SCAPER: variants seen among roughly 807,000 people sequenced by gnomAD.
The protein encoded by SCAPER is S-phase cyclin A associated protein in the ER, also known as S phase cyclin A-associated protein in the endoplasmic reticulum.
A neutral mutation model predicts 182.2 loss-of-function variants in SCAPER; 98 were observed. That is an observed-to-expected ratio of 0.54 (90% CI 0.46 to 0.64). The LOEUF (loss-of-function observed/expected upper bound fraction) is 0.64, where lower values mean the gene tolerates loss of function less well. Among genes scored for constraint, SCAPER ranks in the 30% least tolerant of loss-of-function variants. The probability of loss-of-function intolerance (pLI) is 0.00; values close to 1 mark genes in which losing one functional copy is unlikely to be tolerated. For synonymous variants in SCAPER, 605 were observed against 564.6 expected (o/e 1.07, Z -1.01); for missense variants, 1,432 against 1,690.0 (o/e 0.85, Z 2.68).
intron 5 of SCAPER, among the ~76,000 whole-genome samples, chr15:76,835,035 G>A (rs959829106): frequency 3.3e-5 from 5 of 151,948 alleles, no homozygotes; most frequent in African/African-American, 7.3e-5. Context: ...TGGCAGAGAC[G>A]CAACATCCAA....
intron 17 of SCAPER, among the ~76,000 whole-genome samples, chr15:76,716,626 T>A (rs2059901039): frequency 6.6e-6 from 1 of 151,628 alleles, no homozygotes; most frequent in Non-Finnish European, 1.5e-5. Flanking sequence ...TTAAAAAATC[T>A]CAATAAAAAT....
At chr15:76,662,447 C>A (rs1009355461) in intron 21 of SCAPER, among the ~76,000 whole-genome samples, 3 of 152,000 alleles carry the variant, frequency 2.0e-5, no homozygotes, top group African/African-American at 7.2e-5. Flanking sequence ...ATAAGCAAAA[C>A]AAGCTCAAAA....
rs570108128 is a variant in SCAPER at position 76,834,954 on chromosome 15, C to T, written c.393+6780G>A. On this transcript the variant is annotated intron_variant, in intron 5 of 31. Coordinates refer to ENST00000563290, the MANE Select transcript of SCAPER (RefSeq NM_020843.4). ...ATCCCTGAACCAGACAGATTCACAGCGGAATTCCATCAGATATACAAAGAA... is the reference window on the plus strand; with the variant it reads ...ATCCCTGAACCAGACAGATTCACAGTGGAATTCCATCAGATATACAAAGAA... 8.5e-5 allele frequency among the ~76,000 whole-genome samples: 13 copies of T among 152,160 alleles called. No homozygotes were observed. The South Asian group carries it at 1.0e-3, about 12-fold the overall frequency.
chr15:76,509,316 G>GTTACACTTCTTGCCTCTTCTA (rs2041842290), intron 23 of SCAPER, among the ~76,000 whole-genome samples: 1 of 152,010 alleles, frequency 6.6e-6, no homozygotes, highest in African/African-American at 2.4e-5. Context: ...TTCTACTTCT[G>GTTACACTTCTTGCCTCTTCTA]TTACACTTCT....
intron 23 of SCAPER, among the ~76,000 whole-genome samples, chr15:76,563,472 G>A (rs996309025): frequency 6.6e-6 from 1 of 152,138 alleles, no homozygotes; most frequent in Non-Finnish European, 1.5e-5. Context: ...GAACCAGGAA[G>A]ACACTGAATT....
intron 1 of SCAPER, among the ~76,000 whole-genome samples, chr15:76,887,129 G>T (rs933814805): frequency 3.9e-5 from 6 of 152,096 alleles, no homozygotes; most frequent in Non-Finnish European, 8.8e-5. Context: ...TAACAAACCT[G>T]CACTTGTACC....
intron 5 of SCAPER, among the ~76,000 whole-genome samples, chr15:76,810,982 C>T (rs1025111545): frequency 3.9e-5 from 6 of 152,154 alleles, no homozygotes; most frequent in Admixed American, 3.3e-4. Context: ...GAAGACACAA[C>T]AATTTTAAGT....
chr15:76,808,608 C>A (rs560277453), intron 5 of SCAPER, among the ~76,000 whole-genome samples: 22 of 152,330 alleles, frequency 1.4e-4, no homozygotes, highest in Admixed American at 1.2e-3. Context: ...AAACTGACTA[C>A]ACACCTAATG....
intron 2 of SCAPER, among the ~76,000 whole-genome samples, chr15:76,878,053 A>T (rs1165361192): frequency 6.6e-6 from 1 of 152,196 alleles, no homozygotes; most frequent in East Asian, 1.9e-4. Flanking sequence ...ATATTTATAT[A>T]TGTGTGCAGG....
intron 23 of SCAPER, among the ~76,000 whole-genome samples, chr15:76,545,101 G>A (rs1246119456): frequency 6.6e-6 from 1 of 151,960 alleles, no homozygotes; most frequent in Admixed American, 6.6e-5. Context: ...CCTTCAATGG[G>A]GGCCAATGAG....
chr15:76,503,541 T>C (rs779476426), intron 24 of SCAPER, among the ~76,000 whole-genome samples: 2 of 152,246 alleles, frequency 1.3e-5, no homozygotes, highest in Non-Finnish European at 2.9e-5. Context: ...TTAACATTTA[T>C]AATGTAACTT....
chr15:76,899,224 C>T lies in SCAPER; in HGVS notation c.-60+6075G>A, dbSNP rs116579408. 8.6e-3 allele frequency among the ~76,000 whole-genome samples: 1,311 copies of T among 152,326 alleles called. 17 individuals carry two copies. Among genetic ancestry groups the T allele is most frequent in the African/African-American group, 0.03 (1,242 of 41,578 alleles). On this transcript the variant is annotated intron_variant, in intron 1 of 31. Coordinates refer to ENST00000563290, the MANE Select transcript of SCAPER (RefSeq NM_020843.4). ...CTCTTGCAGAGCCTGGACTGTACTG[C>T]CATGATCTCAGCTAGCTGCAACCTC...
At chr15:76,405,412 T>C (rs2044758274) in intron 26 of SCAPER, among the ~76,000 whole-genome samples, 1 of 152,116 alleles carries the variant, frequency 6.6e-6, no homozygotes, top group Admixed American at 6.6e-5. Flanking sequence ...CCACCATGCC[T>C]GGCTACAACT....
chr15:76,649,609 ACAG>A (rs2054848206), intron 21 of SCAPER, among the ~76,000 whole-genome samples: 1 of 150,582 alleles, frequency 6.6e-6, no homozygotes, highest in Non-Finnish European at 1.5e-5. Flanking sequence ...AAAAATATAT[ACAG>A]CAGAAAAGAA....
chr15:76,452,370 G>A (rs2048426861), intron 25 of SCAPER, among the ~76,000 whole-genome samples: 1 of 152,152 alleles, frequency 6.6e-6, no homozygotes, highest in Non-Finnish European at 1.5e-5. Context: ...TTTCCCACCT[G>A]GCTACTGGGA....
intron 22 of SCAPER, among the ~76,000 whole-genome samples, chr15:76,605,089 C>T (rs1356180378): frequency 1.3e-5 from 2 of 152,146 alleles, no homozygotes; most frequent in African/African-American, 4.8e-5. Context: ...GGGGGCATCC[C>T]TGTCTTGTGC....
In SCAPER at chr15:76,504,906, T is replaced by G; in HGVS notation, c.2907A>C (p.Ala969=). 6.2e-7 allele frequency: 1 copy of G among 1,612,988 alleles called. No individual in the cohort carries two copies. Among genetic ancestry groups the G allele is most frequent in the Non-Finnish European group, 8.5e-7 (1 of 1,179,550 alleles). ...GLTALEHILQ[A]VVPATNVNTV... ...TGTTCACATTTGTGGCTGGGACTAC[T>G]GCTTGAAGGATGTGTTCAAGGGCTG... is the stretch of plus-strand genomic sequence containing the variant. Residue 969 remains alanine, a synonymous_variant, in exon 24 of 32, where the codon GCA becomes GCC. Transcript: ENST00000563290.
rs2046608320 is a variant in SCAPER, at chr15:76,561,382, T to G, written c.2838+12776A>C. Among the ~76,000 whole-genome samples, 3 of 152,336 alleles carry G rather than the reference T, an allele frequency of 2.0e-5. No homozygotes were observed. The South Asian group carries it at 6.2e-4, about 32-fold the overall frequency. ...TGACATGCCTGGTTGAAATTTCCTT[T>G]AAAAATTATTTTACCATAAAGTATT... On this transcript the variant is annotated intron_variant, in intron 23 of 31. Coordinates refer to ENST00000563290, the MANE Select transcript of SCAPER (RefSeq NM_020843.4).
At chr15:76,546,499 T>A (rs2045296780) in intron 23 of SCAPER, among the ~76,000 whole-genome samples, 1 of 152,118 alleles carries the variant, frequency 6.6e-6, no homozygotes, top group Non-Finnish European at 1.5e-5. Flanking sequence ...CATGCTTTAT[T>A]GTTTTTTAAA....
Sources: allele counts gnomAD v4.1 joint callset (sites outside exome capture counted in the v4.1 genomes callset), GRCh38; gene constraint gnomAD v4.1.1; transcripts MANE v1.5; gene names NCBI Gene and HGNC (gene_info 2026-07-23, HGNC 2026-07-21).